The following NLGN1 variants were observed in gnomAD, a reference collection of about 807,000 sequenced individuals.
NLGN1 encodes neuroligin-1.
Under a neutral mutation model 65.5 loss-of-function variants are expected in NLGN1, and 12 were observed. The ratio of observed to expected loss-of-function variants is 0.18; its 90% CI spans 0.12 to 0.30. The LOEUF (loss-of-function observed/expected upper bound fraction) is 0.30, where lower values mean the gene tolerates loss of function less well. Ranked by LOEUF, NLGN1 falls within the 10% of genes least tolerant of loss-of-function variation. The pLI, the probability that NLGN1 is intolerant of heterozygous loss-of-function variation, is 1.00. For missense variants in NLGN1, 750 were observed against 1,007.1 expected (o/e 0.74, Z 3.46); for synonymous variants, 350 against 359.5 (o/e 0.97, Z 0.30).
chr3:174,217,046 A>C (rs973289605), intron 4 of NLGN1, among the ~76,000 whole-genome samples: 1 of 152,134 alleles, frequency 6.6e-6, no homozygotes, highest in Non-Finnish European at 1.5e-5. Flanking sequence ...TCTAGAAGTT[A>C]GAAATCTAAA....
intron 4 of NLGN1, among the ~76,000 whole-genome samples, chr3:174,109,005 A>G (rs929216769): frequency 5.9e-5 from 9 of 152,064 alleles, no homozygotes; most frequent in Non-Finnish European, 1.0e-4. Flanking sequence ...TATTAGGTAT[A>G]TTTATACAGC....
chr3:174,129,207 A>G (rs1471132801), intron 4 of NLGN1, among the ~76,000 whole-genome samples: 1 of 152,068 alleles, frequency 6.6e-6, no homozygotes, highest in East Asian at 1.9e-4. Flanking sequence ...TCTACATTCA[A>G]GACTTAGAAG....
intron 4 of NLGN1, among the ~76,000 whole-genome samples, chr3:173,930,193 A>T (rs1410169636): frequency 2.0e-5 from 3 of 152,288 alleles, no homozygotes; most frequent in Admixed American, 2.0e-4. Flanking sequence ...CTACTGGGAG[A>T]TTTATACTTT....
At chr3:173,807,986 C>T (rs1405550617) in intron 4 of NLGN1, among the ~76,000 whole-genome samples, 154 bp downstream of exon 4, 3 of 151,926 alleles carry the variant, frequency 2.0e-5, no homozygotes, top group South Asian at 2.1e-4. Context: ...TCAATGAATT[C>T]TATAGGTTGG....
At chr3:173,728,232 A>G (rs566197779) in intron 3 of NLGN1, among the ~76,000 whole-genome samples, 1 of 152,216 alleles carries the variant, frequency 6.6e-6, no homozygotes, top group South Asian at 2.1e-4. Context: ...TAGTGACAAG[A>G]TGTAAGTGAC....
At chr3:173,701,150 G>GGT (rs1156785330) in intron 3 of NLGN1, among the ~76,000 whole-genome samples, 3 of 151,942 alleles carry the variant, frequency 2.0e-5, no homozygotes, top group African/African-American at 7.2e-5. Flanking sequence ...GCCGGAAAAT[G>GGT]CTGTTGAAGT....
chr3:174,139,582 C>G (rs1449126627), intron 4 of NLGN1, among the ~76,000 whole-genome samples: 1 of 152,022 alleles, frequency 6.6e-6, no homozygotes, highest in Non-Finnish European at 1.5e-5. Context: ...TATCTCAGTG[C>G]AGGTTTTCGT....
intron 4 of NLGN1, among the ~76,000 whole-genome samples, chr3:174,026,783 A>T (rs1328471427): frequency 6.6e-6 from 1 of 152,132 alleles, no homozygotes; most frequent in Non-Finnish European, 1.5e-5. Context: ...AGCAAACAAA[A>T]CCACTTCTAT....
intron 4 of NLGN1, among the ~76,000 whole-genome samples, chr3:174,067,895 C>A (rs2152529006): frequency 1.3e-5 from 2 of 152,264 alleles, no homozygotes; most frequent in South Asian, 4.1e-4. Flanking sequence ...AATCAGGACA[C>A]AGAAGTTTTC....
chr3:173,508,825 T>C lies in NLGN1; in HGVS notation c.-321+73747T>C, dbSNP rs115981635. 4.3e-3 allele frequency among the ~76,000 whole-genome samples: 649 copies of C among 152,294 alleles called. 4 individuals carry two copies. Among genetic ancestry groups the C allele is most frequent in the Non-Finnish European group, 7.1e-3 (484 of 68,012 alleles). On this transcript the variant is annotated intron_variant, in intron 2 of 6. Transcript: ENST00000457714. ...AGGGCTAACAGCCCTAGGGCGAATATGAGGGAGGCAGACTGTTTCCTAGTA... is the reference window on the plus strand; with the variant it reads ...AGGGCTAACAGCCCTAGGGCGAATACGAGGGAGGCAGACTGTTTCCTAGTA...
intron 4 of NLGN1, among the ~76,000 whole-genome samples, chr3:174,024,721 C>T (rs1330612821): frequency 2.0e-5 from 3 of 152,164 alleles, no homozygotes; most frequent in African/African-American, 7.2e-5. Flanking sequence ...CTGAAAGGGG[C>T]ACCATGACTC....
At chr3:174,129,148 C>A (rs935467071) in intron 4 of NLGN1, among the ~76,000 whole-genome samples, 64 of 152,074 alleles carry the variant, frequency 4.2e-4, no homozygotes, top group Non-Finnish European at 4.0e-4. Context: ...CCTTACCAAA[C>A]CCTCATTTGG....
intron 4 of NLGN1, among the ~76,000 whole-genome samples, chr3:174,197,601 T>G (rs970330493): frequency 6.6e-6 from 1 of 150,674 alleles, no homozygotes; most frequent in Admixed American, 6.6e-5. Flanking sequence ...AGGGAGGTGA[T>G]TGGAACGCAG....
chr3:173,537,338 G>A (rs181032978), intron 2 of NLGN1, among the ~76,000 whole-genome samples: 3 of 152,020 alleles, frequency 2.0e-5, no homozygotes, highest in Non-Finnish European at 2.9e-5. Context: ...CAGAGAATAC[G>A]CTAATTCCTT....
At chr3:173,588,956 C>T (rs890822949) in intron 2 of NLGN1, among the ~76,000 whole-genome samples, 7 of 152,214 alleles carry the variant, frequency 4.6e-5, no homozygotes, top group African/African-American at 1.7e-4. Flanking sequence ...ATATTAGGGA[C>T]CGCTAAAGGA....
intron 3 of NLGN1, among the ~76,000 whole-genome samples, chr3:173,646,843 A>G (rs562409772): frequency 1.3e-5 from 2 of 152,346 alleles, no homozygotes; most frequent in East Asian, 1.9e-4. Flanking sequence ...AACCATATCA[A>G]TAATCACATT....
At chr3:173,529,966 C>CT (rs930436367) in intron 2 of NLGN1, among the ~76,000 whole-genome samples, 23 of 146,236 alleles carry the variant, frequency 1.6e-4, no homozygotes, top group South Asian at 2.2e-4. Context: ...CTTTCTTTTC[C>CT]TTTTTTTTTT....
chr3:173,408,346 C>T (rs1269808053), intron 1 of NLGN1, among the ~76,000 whole-genome samples: 5 of 152,104 alleles, frequency 3.3e-5, no homozygotes, highest in African/African-American at 1.2e-4. Flanking sequence ...GCTCATTGGT[C>T]ATACTCACCA....
chr3:173,660,112 C>CA (rs1760703655), intron 3 of NLGN1, among the ~76,000 whole-genome samples: 2 of 151,954 alleles, frequency 1.3e-5, no homozygotes, highest in African/African-American at 2.4e-5. Flanking sequence ...TCTTGCTATT[C>CA]GTAGAGACAG....
Sources: allele counts gnomAD v4.1 joint callset (sites outside exome capture counted in the v4.1 genomes callset), GRCh38; gene constraint gnomAD v4.1.1; transcripts MANE v1.5; gene names NCBI Gene and HGNC (gene_info 2026-07-23, HGNC 2026-07-21).